The following DCAF1 variants were observed in gnomAD, a reference collection of about 807,000 sequenced individuals.
DCAF1 encodes DDB1 and CUL4 associated factor 1.
Under a neutral mutation model 128.0 loss-of-function variants are expected in DCAF1, and 15 were observed. That is an observed-to-expected ratio of 0.12 (90% CI 0.08 to 0.18). The LOEUF is 0.18. DCAF1 is among the 10% of genes least tolerant of loss of function. The probability of loss-of-function intolerance (pLI) is 1.00; values close to 1 mark genes in which losing one functional copy is unlikely to be tolerated. For synonymous variants in DCAF1, 610 were observed against 603.0 expected, an observed-to-expected ratio of 1.01 and a Z score of -0.17; for missense variants, 988 against 1,649.5, an observed-to-expected ratio of 0.60 and a Z score of 6.95.
At chr3:51,423,770 A>C (rs1414443802) in intron 13 of DCAF1, among the ~76,000 whole-genome samples, 1 of 151,474 alleles carries the variant, frequency 6.6e-6, no homozygotes, top group Non-Finnish European at 1.5e-5. Flanking sequence ...CAGTGAGCCA[A>C]GATCACACCA....
At chr3:51,441,166 G>T in intron 8 of DCAF1, 95 bp from the exon 9 acceptor site, 1 of 1,268,500 alleles carries the variant, frequency 7.9e-7, no homozygotes, top group Non-Finnish European at 1.1e-6. Flanking sequence ...AAGAAATGAT[G>T]CACCTCTTCC....
rs782668864 is a variant in DCAF1 at position 51,418,671 on chromosome 3, C to A, written c.3435+7G>T. 2.5e-6 allele frequency: 4 copies of A among 1,607,370 alleles called. No homozygotes were observed. In the Admixed American group the frequency reaches 6.8e-5, roughly 27 times the overall value. On this transcript the variant is annotated splice_region_variant and intron_variant, in intron 16 of 24. Coordinates refer to ENST00000684031, the MANE Select transcript of DCAF1 (RefSeq NM_001387579.1). ...TGACTGAGAGCATCCTAGGAAGGAA[C>A]CCTTACCCTGGAAGGTTCAAGATGT...
At chr3:51,462,839 G>A (rs1429985975) in intron 6 of DCAF1, among the ~76,000 whole-genome samples, 4 of 151,252 alleles carry the variant, frequency 2.6e-5, no homozygotes, top group Admixed American at 6.6e-5. Context: ...AGAGGCTCAC[G>A]ACTATAATCC....
chr3:51,489,322 A>T (rs1187951966), intron 2 of DCAF1, among the ~76,000 whole-genome samples: 1 of 151,978 alleles, frequency 6.6e-6, no homozygotes, highest in East Asian at 1.9e-4. Flanking sequence ...AATCCCAGGT[A>T]TTCAGTAGGC....
Position 51,413,968 on chromosome 3 carries a change from C to A in DCAF1, c.3913G>T (p.Gly1305Ter). ...DQCRVVFNHT[G>*]TVMYGAMLQA... ...TTATTACCTCCATACATCACTGTTC[C>A]CGTGTGATTGAACACCACGCGACAC... is the stretch of plus-strand genomic sequence containing the variant. Residue 1305 changes from glycine (G) to a stop codon, truncating the protein, a stop_gained, in exon 20 of 25, where the codon GGA becomes TGA. Transcript: ENST00000684031. LOFTEE classifies it high-confidence loss of function. 2 of 1,592,066 alleles carry A rather than the reference C, an allele frequency of 1.3e-6. No individual in the cohort carries two copies. Among genetic ancestry groups the A allele is most frequent in the South Asian group, 1.2e-5 (1 of 85,788 alleles).
chr3:51,502,391 A>G (rs1182405662), upstream of DCAF1, among the ~76,000 whole-genome samples: 2 of 152,010 alleles, frequency 1.3e-5, no homozygotes, highest in Non-Finnish European at 2.9e-5. Context: ...CACTGTCTCT[A>G]CAAAATATCT....
intron 21 of DCAF1, 64 bp downstream of exon 21, chr3:51,413,218 A>G: frequency 6.4e-7 from 1 of 1,559,966 alleles, no homozygotes; most frequent in Non-Finnish European, 8.7e-7. Context: ...CAGAAAATGA[A>G]GGATCTTAAA....
intron 9 of DCAF1, among the ~76,000 whole-genome samples, chr3:51,439,441 T>TA (rs1701156592): frequency 2.6e-5 from 1 of 38,528 alleles, no homozygotes. Context: ...CTGCTATTTC[T>TA]ATTTTTTTTT....
chr3:51,429,120 A>T, intron 12 of DCAF1, 141 bp downstream of exon 12: 3 of 595,448 alleles, frequency 5.0e-6, no homozygotes, highest in Admixed American at 5.7e-5. Flanking sequence ...TCCATTTTTC[A>T]ATTGTTCTGC....
Position 51,441,529 on chromosome 3 carries a change from G to A in DCAF1, c.882C>T (p.Arg294=), listed in dbSNP as rs782738423. Residue 294 remains arginine, a synonymous_variant, in exon 8 of 25, where the codon CGC becomes CGT. Coordinates refer to ENST00000684031, the MANE Select transcript of DCAF1 (RefSeq NM_001387579.1). ...TGCTATTAGACAGCTCAACAAACAT[G>A]CGATCTGGATCAGAAGATGAGAAAC... ...KLGFSSSDPD[R]MFVELSNSSW... is the part of the protein sequence containing the mutation. 14 of 1,613,868 alleles carry A rather than the reference G, an allele frequency of 8.7e-6. No individual in the cohort carries two copies. The highest frequency in any genetic ancestry group is 2.2e-5 in the South Asian group (2 of 91,082).
chr3:51,454,396 C>T (rs113325807), intron 6 of DCAF1, among the ~76,000 whole-genome samples: 4,492 of 152,272 alleles, frequency 0.029, 97 homozygotes, highest in Non-Finnish European at 0.04. Flanking sequence ...GAGTCTCACT[C>T]TGTCACCCAG....
At chr3:51,450,854 A>C (rs2107818324) in intron 6 of DCAF1, among the ~76,000 whole-genome samples, 1 of 152,210 alleles carries the variant, frequency 6.6e-6, no homozygotes, top group South Asian at 2.1e-4. Flanking sequence ...GACATAAAAA[A>C]GGAAATTAAA....
intron 4 of DCAF1, 139 bp from the exon 5 acceptor site, chr3:51,467,015 A>T (rs1477835009): frequency 2.8e-5 from 19 of 669,248 alleles, no homozygotes; most frequent in Non-Finnish European, 5.0e-5. Context: ...ACAAAAGATT[A>T]TTGTGCTAAA....
intron 23 of DCAF1, among the ~76,000 whole-genome samples, chr3:51,411,440 A>C (rs1698408728): frequency 6.6e-6 from 1 of 152,212 alleles, no homozygotes; most frequent in Non-Finnish European, 1.5e-5. Context: ...AAATCTGCTG[A>C]AACTCAGAAG....
At chr3:51,492,279 T>C (rs375465337) in intron 2 of DCAF1, among the ~76,000 whole-genome samples, 10 of 151,458 alleles carry the variant, frequency 6.6e-5, no homozygotes, top group African/African-American at 2.4e-4. Context: ...ATAATCCCAA[T>C]ACTTTAGGCA....
chr3:51,410,876 G>A (rs897792827), intron 23 of DCAF1, among the ~76,000 whole-genome samples: 10 of 152,230 alleles, frequency 6.6e-5, no homozygotes, highest in African/African-American at 2.4e-4. Flanking sequence ...AGACAAAGCT[G>A]GCTGGGCGTG....
Position 51,398,253 on chromosome 3 carries a change from T to C in DCAF1, c.*516A>G, listed in dbSNP as rs1237817538. The C allele has an allele frequency of 6.6e-6, 1 of 152,168 alleles. No homozygotes were observed. The highest frequency in any genetic ancestry group is 2.4e-5 in the African/African-American group (1 of 41,460). 9.4% of individuals were successfully genotyped at this position (152,168 alleles called of 1,614,324 possible). On this transcript the variant is annotated 3_prime_UTR_variant, in exon 25 of 25. Coordinates refer to ENST00000684031, the MANE Select transcript of DCAF1 (RefSeq NM_001387579.1). ...ATTTAAGAAACCACGATTTTCCTTT[T>C]CATTTAAATACGTATGTAAAAATGC...
intron 1 of DCAF1, among the ~76,000 whole-genome samples, chr3:51,497,803 A>G (rs1470700340): frequency 1.3e-5 from 2 of 151,972 alleles, no homozygotes; most frequent in Non-Finnish European, 2.9e-5. Flanking sequence ...GGCTCCTTTG[A>G]GCCCAGGAGT....
chr3:51,463,200 G>A lies in DCAF1; in HGVS notation c.289C>T (p.Arg97Ter). The A allele has an allele frequency of 6.3e-7, 1 of 1,587,130 alleles. No individual in the cohort carries two copies. The highest frequency in any genetic ancestry group is 8.6e-7 in the Non-Finnish European group (1 of 1,165,830). The change falls in exon 6 of 25, where the codon CGA becomes TGA. Residue 97 changes from arginine to a stop codon, truncating the protein, a stop_gained. Coordinates refer to ENST00000684031, the MANE Select transcript of DCAF1 (RefSeq NM_001387579.1). LOFTEE classifies it high-confidence loss of function. Reference sequence around the variant, plus strand: ...GCTGCAGTGTTTAAAGGGGGCTCTCGGCTTGTCATCACATATGCATTCACC... The same window carrying A: ...GCTGCAGTGTTTAAAGGGGGCTCTCAGCTTGTCATCACATATGCATTCACC... ...ALVNAYVMTS[R>*]EPPLNTAACR... is the part of the protein sequence containing the mutation.
Sources: gnomAD v4.1 joint callset for allele counts (sites outside exome capture counted in the v4.1 genomes callset) on GRCh38, gnomAD v4.1.1 for gene constraint, MANE v1.5 for transcripts, NCBI Gene and HGNC (gene_info 2026-07-23, HGNC 2026-07-21) for gene names.